STPG4: variants seen among roughly 807,000 people sequenced by gnomAD.
STPG4 encodes the protein protein STPG4.
A neutral mutation model predicts 31.5 loss-of-function variants in STPG4; 41 were observed. That is an observed-to-expected ratio of 1.30 (90% CI 1.01 to 1.69). The LOEUF is 1.69. Among genes scored for constraint, STPG4 ranks in the 40% most tolerant of loss-of-function variants. The pLI is 0.00. For missense variants in STPG4, 375 were observed against 293.4 expected (o/e 1.28, Z -2.03); for synonymous variants, 141 against 103.0 (o/e 1.37, Z -2.24).
At chr2:47,096,862 C>G (rs1168609685) in intron 5 of STPG4, among the ~76,000 whole-genome samples, 2 of 152,154 alleles carry the variant, frequency 1.3e-5, no homozygotes, top group Admixed American at 6.5e-5. Context: ...ACCACCACCA[C>G]CACAGCAACC....
intron 3 of STPG4, among the ~76,000 whole-genome samples, chr2:47,133,949 G>A (rs1280848663): frequency 1.3e-5 from 2 of 151,972 alleles, no homozygotes; most frequent in East Asian, 3.9e-4. Context: ...CAGTTATGTT[G>A]CACCAAACAC....
intron 6 of STPG4, among the ~76,000 whole-genome samples, chr2:47,089,954 G>C (rs1685536044): frequency 6.6e-6 from 1 of 152,172 alleles, no homozygotes; most frequent in Non-Finnish European, 1.5e-5. Flanking sequence ...AGCCACTGCA[G>C]GTACCCCCAA....
intron 5 of STPG4, among the ~76,000 whole-genome samples, chr2:47,091,705 T>C (rs552303740): frequency 2.3e-3 from 349 of 152,334 alleles, no homozygotes; most frequent in Middle Eastern, 6.8e-3. Flanking sequence ...GAGGTTTCAA[T>C]ACAGTATTCT....
At position 47,119,351 on chromosome 2, in the gene STPG4, A is replaced by C. The variant is rs368196285; in HGVS notation, c.519+10590T>G. On this transcript the variant is annotated intron_variant, in intron 5 of 6. Coordinates refer to ENST00000445927, the MANE Select transcript of STPG4 (RefSeq NM_001163561.2). ...TTTATAAAATGGAATGGATGAGGTG[A>C]TATCAGTAAAAGTGGCAGAGTAAGC... is the stretch of plus-strand genomic sequence containing the variant. Among the ~76,000 whole-genome samples, 5 of 152,246 alleles carry C rather than the reference A, an allele frequency of 3.3e-5. No individual in the cohort carries two copies. The East Asian group carries it at 7.7e-4, about 23-fold the overall frequency.
At chr2:47,091,498 T>TC (rs949852581) in intron 5 of STPG4, among the ~76,000 whole-genome samples, 1 of 152,028 alleles carries the variant, frequency 6.6e-6, no homozygotes, top group Non-Finnish European at 1.5e-5. Context: ...TTCGCTTTTT[T>TC]CCCCCCTCCA....
chr2:47,122,163 T>C (rs899795269), intron 5 of STPG4, among the ~76,000 whole-genome samples: 3 of 152,216 alleles, frequency 2.0e-5, no homozygotes, highest in Non-Finnish European at 4.4e-5. Flanking sequence ...TGTCTATTTA[T>C]GTCCTTTATC....
At chr2:47,149,492 G>T (rs1686895627) in intron 3 of STPG4, among the ~76,000 whole-genome samples, 2 of 152,190 alleles carry the variant, frequency 1.3e-5, no homozygotes, top group South Asian at 4.1e-4. Flanking sequence ...ATAATTTAGA[G>T]TTTGTATGCA....
At chr2:47,143,995 C>G (rs143396231) in intron 3 of STPG4, among the ~76,000 whole-genome samples, 89 of 152,284 alleles carry the variant, frequency 5.8e-4, no homozygotes, top group African/African-American at 2.0e-3. Flanking sequence ...CAGGCTGAGA[C>G]AGCATCACCA....
chr2:47,134,457 T>C (rs755263549), intron 3 of STPG4, among the ~76,000 whole-genome samples: 3 of 152,258 alleles, frequency 2.0e-5, no homozygotes, highest in African/African-American at 4.8e-5. Flanking sequence ...TCATACCATA[T>C]GCAGCCTTTT....
chr2:47,115,437 G>A (rs1686128676), intron 5 of STPG4, among the ~76,000 whole-genome samples: 1 of 152,056 alleles, frequency 6.6e-6, no homozygotes. Flanking sequence ...TAATTTTTAT[G>A]AGTTTTTGCA....
At chr2:47,142,051 G>C (rs570872040) in intron 3 of STPG4, among the ~76,000 whole-genome samples, 8 of 150,788 alleles carry the variant, frequency 5.3e-5, no homozygotes, top group African/African-American at 2.0e-4. Flanking sequence ...AATCCCTTCA[G>C]TAGTCATTTT....
At chr2:47,089,631 G>A (rs1161473150) in intron 6 of STPG4, among the ~76,000 whole-genome samples, 1 of 150,664 alleles carries the variant, frequency 6.6e-6, no homozygotes, top group Non-Finnish European at 1.5e-5. Flanking sequence ...AAAGCTATGG[G>A]AATTAAAACT....
At chr2:47,132,128 G>A (rs928244978) in intron 3 of STPG4, among the ~76,000 whole-genome samples, 4 of 150,818 alleles carry the variant, frequency 2.7e-5, no homozygotes, top group African/African-American at 7.3e-5. Flanking sequence ...TCGTGCCACT[G>A]GACTCCAGCC....
chr2:47,090,909 C>T (rs913504123), intron 5 of STPG4, among the ~76,000 whole-genome samples: 1 of 152,076 alleles, frequency 6.6e-6, no homozygotes, highest in Non-Finnish European at 1.5e-5. Context: ...GACAATCACT[C>T]CAGTAGGAAA....
intron 5 of STPG4, among the ~76,000 whole-genome samples, chr2:47,098,520 G>A (rs565682711): frequency 1.3e-5 from 2 of 152,154 alleles, no homozygotes; most frequent in South Asian, 4.1e-4. Flanking sequence ...CTTTAAAATC[G>A]TAAAGCTAAA....
intron 6 of STPG4, 70 bp downstream of exon 6, chr2:47,090,200 G>C: frequency 9.1e-7 from 1 of 1,094,234 alleles, no homozygotes; most frequent in Non-Finnish European, 1.4e-6. Context: ...TACACACATA[G>C]AAACAGAAAA....
intron 3 of STPG4, 145 bp from the exon 4 acceptor site, chr2:47,130,405 A>C: frequency 5.9e-6 from 4 of 676,352 alleles, no homozygotes; most frequent in Non-Finnish European, 7.6e-6. Flanking sequence ...GAAAATGTAC[A>C]TTTCCAAAGG....
intron 5 of STPG4, among the ~76,000 whole-genome samples, chr2:47,105,364 A>C (rs1226156219): frequency 3.3e-5 from 5 of 151,934 alleles, no homozygotes; most frequent in Non-Finnish European, 5.9e-5. Flanking sequence ...CACTGTCTGG[A>C]CTACTCATGA....
intron 5 of STPG4, among the ~76,000 whole-genome samples, chr2:47,101,254 C>T (rs979541686): frequency 6.6e-6 from 1 of 151,788 alleles, no homozygotes; most frequent in African/African-American, 2.4e-5. Flanking sequence ...ACCCCCGACT[C>T]TTCAGAGTTG....
Sources: gnomAD v4.1 joint callset for allele counts (sites outside exome capture counted in the v4.1 genomes callset) on GRCh38, gnomAD v4.1.1 for gene constraint, MANE v1.5 for transcripts, NCBI Gene and HGNC (gene_info 2026-07-23, HGNC 2026-07-21) for gene names.